Variants in LOXL2 observed in about 807,000 individuals in gnomAD.
The protein encoded by LOXL2 is lysyl oxidase homolog 2.
A neutral mutation model predicts 93.0 loss-of-function variants in LOXL2; 70 were observed. The ratio of observed to expected loss-of-function variants is 0.75; its 90% CI spans 0.62 to 0.92. The LOEUF is 0.92. Among genes scored for constraint, LOXL2 ranks in the 40% least tolerant of loss-of-function variants. LOXL2 has a pLI of 0.00. For synonymous variants in LOXL2, 438 were observed against 413.2 expected (o/e 1.06, Z -0.73); for missense variants, 973 against 1,054.9 (o/e 0.92, Z 1.08).
intron 1 of LOXL2, chr8:23,402,465 C>G (rs1335634201): frequency 6.5e-6 from 1 of 153,040 alleles, no homozygotes; most frequent in Non-Finnish European, 1.5e-5. Context: ...GGAAGAGGAA[C>G]GGGACAAAGG....
intron 3 of LOXL2, among the ~76,000 whole-genome samples, chr8:23,346,151 T>TAAATA (rs1803976283): frequency 9.6e-6 from 1 of 103,720 alleles, no homozygotes; most frequent in Non-Finnish European, 1.9e-5. Flanking sequence ...ATAAATAAAA[T>TAAATA]AAAATAAAAA....
intron 1 of LOXL2, among the ~76,000 whole-genome samples, chr8:23,395,597 TA>T (rs1800079987): frequency 1.3e-5 from 2 of 152,206 alleles, no homozygotes; most frequent in Admixed American, 1.3e-4. Context: ...TAAAGTCTTT[TA>T]AAAAAGAATC....
chr8:23,327,413 G>A (rs9792302), intron 6 of LOXL2, among the ~76,000 whole-genome samples: 89,054 of 151,862 alleles, frequency 0.59, 28,546 homozygotes, highest in Middle Eastern at 0.73. Flanking sequence ...CTTTCTGTGG[G>A]GTGATGGCCC....
intron 3 of LOXL2, among the ~76,000 whole-genome samples, chr8:23,357,057 AT>A (rs941413876): frequency 6.7e-6 from 1 of 150,006 alleles, no homozygotes; most frequent in Non-Finnish European, 1.5e-5. Flanking sequence ...TCTCCAACAT[AT>A]TTTTTTTCAG....
At position 23,368,333 on chromosome 8, in the gene LOXL2, A is replaced by T. The variant is rs957501618; in HGVS notation, c.19T>A (p.Ser7Thr). ...ATAGCCAGGCAGCTGCAGAGGTGGG[A>T]GCACAGAGGCCTCTCCATCCCTGTC... MERPLC[S>T]HLCSCLAMLA... The change falls in exon 2 of 14, where the codon TCC becomes ACC. Residue 7 changes from serine (S) to threonine (T), a missense_variant. Physicochemically the swap from Ser to Thr is moderately conservative, Grantham distance 58 (BLOSUM62 1). Transcript: ENST00000389131. 1 of 1,612,042 alleles carries T rather than the reference A, an allele frequency of 6.2e-7. No homozygotes were observed. Among genetic ancestry groups the T allele is most frequent in the African/African-American group, 1.3e-5 (1 of 74,900 alleles).
chr8:23,343,433 C>T (rs974525350), intron 3 of LOXL2, among the ~76,000 whole-genome samples: 12 of 152,198 alleles, frequency 7.9e-5, no homozygotes, highest in Non-Finnish European at 1.3e-4. Flanking sequence ...ACACTGTGGG[C>T]GGGCCAGGGA....
chr8:23,329,451 A>G lies in LOXL2; in HGVS notation c.967-886T>C, dbSNP rs901231930. Among the ~76,000 whole-genome samples, 40 of 152,318 alleles carry G rather than the reference A, an allele frequency of 2.6e-4. 1 individual carries two copies. Among genetic ancestry groups the G allele is most frequent in the Admixed American group, 2.2e-3 (33 of 15,298 alleles). ...GTAAGACTCTCTACGTCTTGGCCAC[A>G]GTGCATCATGTCTTACAAGATGGGA... On this transcript the variant is annotated intron_variant, in intron 5 of 13. Coordinates refer to ENST00000389131, the MANE Select transcript of LOXL2 (RefSeq NM_002318.3).
intron 10 of LOXL2, among the ~76,000 whole-genome samples, chr8:23,305,215 G>C (rs746513381): frequency 1.3e-5 from 2 of 152,232 alleles, no homozygotes; most frequent in Non-Finnish European, 2.9e-5. Flanking sequence ...AGACTGAAGA[G>C]AAATAGGTTG....
chr8:23,399,130 C>T (rs550737749), intron 1 of LOXL2, among the ~76,000 whole-genome samples: 11 of 152,332 alleles, frequency 7.2e-5, no homozygotes, highest in African/African-American at 9.6e-5. Context: ...CTGCTATTCC[C>T]GCCTTGTCTG....
intron 1 of LOXL2, among the ~76,000 whole-genome samples, chr8:23,389,691 C>A (rs1804812564): frequency 6.6e-6 from 1 of 152,202 alleles, no homozygotes; most frequent in Non-Finnish European, 1.5e-5. Flanking sequence ...AGTGCCCTGA[C>A]ACAACCTGAT....
intron 7 of LOXL2, among the ~76,000 whole-genome samples, 175 bp from the exon 8 acceptor site, chr8:23,320,227 TTA>T (rs1377908552): frequency 1.3e-5 from 2 of 152,128 alleles, no homozygotes; most frequent in African/African-American, 2.4e-5. Context: ...TAGCATGGTC[TTA>T]TAGTGAGGTC....
chr8:23,325,061 C>T (rs1462409701), intron 6 of LOXL2, among the ~76,000 whole-genome samples: 1 of 152,164 alleles, frequency 6.6e-6, no homozygotes, highest in Non-Finnish European at 1.5e-5. Context: ...AGTTTGTCTA[C>T]TCAGAAATGC....
intron 6 of LOXL2, among the ~76,000 whole-genome samples, chr8:23,325,438 TACC>T (rs1386782596): frequency 4.6e-5 from 7 of 152,098 alleles, no homozygotes; most frequent in Non-Finnish European, 8.8e-5. Context: ...CACAGGTGTG[TACC>T]ACCATGTCTG....
intron 11 of LOXL2, among the ~76,000 whole-genome samples, chr8:23,302,480 G>A (rs989732173): frequency 1.3e-5 from 2 of 152,146 alleles, no homozygotes; most frequent in African/African-American, 4.8e-5. Context: ...GGAAATCTCT[G>A]GTGCCTGTGG....
chr8:23,310,267 A>G (rs1803303697), intron 9 of LOXL2, among the ~76,000 whole-genome samples: 1 of 152,336 alleles, frequency 6.6e-6, no homozygotes, highest in South Asian at 2.1e-4. Context: ...ATATTATTCT[A>G]CTTCAAGTGG....
intron 10 of LOXL2, among the ~76,000 whole-genome samples, chr8:23,307,671 G>A (rs1172168240): frequency 2.0e-5 from 3 of 152,112 alleles, no homozygotes; most frequent in Non-Finnish European, 2.9e-5. Flanking sequence ...CATAGGCAGC[G>A]TCAGCCCCCG....
At chr8:23,351,782 G>A (rs1205811158) in intron 3 of LOXL2, among the ~76,000 whole-genome samples, 1 of 152,178 alleles carries the variant, frequency 6.6e-6, no homozygotes, top group African/African-American at 2.4e-5. Context: ...TAGCTGGCAA[G>A]CCCTGGCTAC....
intron 1 of LOXL2, among the ~76,000 whole-genome samples, chr8:23,393,795 A>T (rs2117238096): frequency 6.6e-6 from 1 of 152,368 alleles, no homozygotes; most frequent in Admixed American, 6.5e-5. Context: ...AAAAAGGGTG[A>T]TGACCAAATA....
intron 1 of LOXL2, among the ~76,000 whole-genome samples, chr8:23,400,367 G>C (rs977112431): frequency 6.6e-6 from 1 of 152,186 alleles, no homozygotes; most frequent in Admixed American, 6.5e-5. Flanking sequence ...GCAGGCAAGA[G>C]AGCATGTACA....
Sources: gnomAD v4.1 joint callset for allele counts (sites outside exome capture counted in the v4.1 genomes callset) on GRCh38, gnomAD v4.1.1 for gene constraint, MANE v1.5 for transcripts, NCBI Gene and HGNC (gene_info 2026-07-23, HGNC 2026-07-21) for gene names.